The following CDK5RAP1 variants were observed in gnomAD, a reference collection of about 807,000 sequenced individuals.
The protein encoded by CDK5RAP1 is CDK5RAP1 mitochondrial tRNA methylthiotransferase.
In CDK5RAP1, 62 loss-of-function variants were observed where a neutral mutation model predicts 64.5. The observed-to-expected ratio is 0.96, with a 90% CI of 0.78 to 1.19. The LOEUF is 1.19. Among genes scored for constraint, CDK5RAP1 ranks in the 50% most tolerant of loss-of-function variants. The pLI, the probability that CDK5RAP1 is intolerant of heterozygous loss-of-function variation, is 0.00. For missense variants in CDK5RAP1, 657 were observed against 735.0 expected (o/e 0.89, Z 1.23); for synonymous variants, 250 against 261.9 (o/e 0.95, Z 0.44).
chr20:33,391,060 C>CCCAGAAGTT (rs1210218880), intron 5 of CDK5RAP1, among the ~76,000 whole-genome samples: 1 of 151,908 alleles, frequency 6.6e-6, no homozygotes, highest in Non-Finnish European at 1.5e-5. Context: ...TCTAGACCAG[C>CCCAGAAGTT]CTGGGCAATA....
chr20:33,369,501 A>C (rs1600719764), intron 11 of CDK5RAP1, among the ~76,000 whole-genome samples: 1 of 151,980 alleles, frequency 6.6e-6, no homozygotes, highest in Non-Finnish European at 1.5e-5. Context: ...AAAAAAAAAG[A>C]AGCAAAACAG....
chr20:33,370,350 A>T, intron 11 of CDK5RAP1, 149 bp downstream of exon 11: 1 of 692,146 alleles, frequency 1.4e-6, no homozygotes, highest in Non-Finnish European at 2.4e-6. Context: ...GACAGAGTGT[A>T]CTAGAAAAAT....
intron 9 of CDK5RAP1, 85 bp from the exon 10 acceptor site, chr20:33,372,782 C>T: frequency 1.2e-6 from 1 of 859,174 alleles, no homozygotes; most frequent in East Asian, 2.5e-5. Flanking sequence ...TATGAATTTC[C>T]ACATGTAATC....
intron 9 of CDK5RAP1, 54 bp from the exon 10 acceptor site, chr20:33,372,751 A>C: frequency 8.8e-7 from 1 of 1,136,096 alleles, no homozygotes; most frequent in Non-Finnish European, 1.3e-6. Context: ...TTTTTAAATG[A>C]ATGCTATAAA....
chr20:33,378,975 G>A (rs1986389843), intron 8 of CDK5RAP1, among the ~76,000 whole-genome samples: 1 of 151,976 alleles, frequency 6.6e-6, no homozygotes, highest in Admixed American at 6.6e-5. Context: ...TTCGAGACAG[G>A]GTCTCGCTAT....
At chr20:33,369,437 T>A (rs1984614957) in intron 11 of CDK5RAP1, among the ~76,000 whole-genome samples, 1 of 151,464 alleles carries the variant, frequency 6.6e-6, no homozygotes, top group South Asian at 2.1e-4. Flanking sequence ...GAGTCGAGAT[T>A]GCGCAACTGC....
At chr20:33,391,594 G>A (rs183882829) in intron 5 of CDK5RAP1, among the ~76,000 whole-genome samples, 100 of 152,246 alleles carry the variant, frequency 6.6e-4, no homozygotes, top group Non-Finnish European at 1.2e-3. Flanking sequence ...GGCTGAGGCA[G>A]GCGGATCACC....
intron 12 of CDK5RAP1, among the ~76,000 whole-genome samples, chr20:33,366,224 C>T (rs528204941): frequency 4.1e-5 from 6 of 147,562 alleles, no homozygotes; most frequent in African/African-American, 1.3e-4. Context: ...GAGGCTGAGG[C>T]AGGAGAATTG....
chr20:33,370,029 C>G (rs1377457330), intron 11 of CDK5RAP1, among the ~76,000 whole-genome samples: 1 of 152,180 alleles, frequency 6.6e-6, no homozygotes, highest in Non-Finnish European at 1.5e-5. Context: ...TAATCTCCTT[C>G]TGCTTTGCCT....
chr20:33,359,362 T>G, intron 13 of CDK5RAP1: 1 of 480,468 alleles, frequency 2.1e-6, no homozygotes, highest in Non-Finnish European at 3.7e-6. Context: ...CCTTTTCTCT[T>G]GGAAGATGGC....
chr20:33,381,731 A>T (rs1198961570), intron 7 of CDK5RAP1, among the ~76,000 whole-genome samples: 1 of 152,090 alleles, frequency 6.6e-6, no homozygotes, highest in Non-Finnish European at 1.5e-5. Context: ...CCCAGCCCAA[A>T]TAATGTTCTT....
At chr20:33,366,250 C>T (rs1983919947) in intron 12 of CDK5RAP1, among the ~76,000 whole-genome samples, 1 of 140,014 alleles carries the variant, frequency 7.1e-6, no homozygotes. Flanking sequence ...GCCTGGGAGA[C>T]AGAGGTTGCA....
chr20:33,360,029 C>T, intron 13 of CDK5RAP1: 1 of 247,700 alleles, frequency 4.0e-6, no homozygotes, highest in Non-Finnish European at 7.8e-6. Context: ...TGTTGATCTC[C>T]AACAGGGAAC....
chr20:33,364,188 C>CTTTTTTTTTTTT (rs11479107), intron 12 of CDK5RAP1, among the ~76,000 whole-genome samples: 1 of 135,508 alleles, frequency 7.4e-6, no homozygotes, highest in Non-Finnish European at 1.6e-5. Flanking sequence ...GAAGAAATAG[C>CTTTTTTTTTTTT]TTTTTTTTTT....
intron 12 of CDK5RAP1, among the ~76,000 whole-genome samples, chr20:33,364,220 G>C (rs569763353): frequency 2.1e-4 from 28 of 136,232 alleles, no homozygotes; most frequent in African/African-American, 7.5e-4. Flanking sequence ...ATGGAGTCTC[G>C]CTGTGTGACC....
At chr20:33,372,011 T>C (rs755639456) in intron 10 of CDK5RAP1, among the ~76,000 whole-genome samples, 1 of 152,180 alleles carries the variant, frequency 6.6e-6, no homozygotes, top group Non-Finnish European at 1.5e-5. Flanking sequence ...ATCATCTTTA[T>C]ACCTACATTT....
intron 1 of CDK5RAP1, among the ~76,000 whole-genome samples, chr20:33,399,815 CA>C (rs1353610762): frequency 2.6e-5 from 4 of 152,148 alleles, no homozygotes; most frequent in Non-Finnish European, 5.9e-5. Context: ...TGTTTGAGCT[CA>C]GGAGTTCGAG....
chr20:33,360,548 G>A, intron 12 of CDK5RAP1, 57 bp from the exon 13 acceptor site: 1 of 1,500,862 alleles, frequency 6.7e-7, no homozygotes, highest in Non-Finnish European at 9.0e-7. Context: ...GTTCTTGGAG[G>A]GTAGAAACTG....
rs759292469 is a variant in CDK5RAP1 at position 33,396,921 on chromosome 20, C to T, written c.144G>A (p.Glu48=). The T allele has an allele frequency of 6.2e-7, 1 of 1,614,208 alleles. No individual in the cohort carries two copies. The highest frequency in any genetic ancestry group is 1.1e-5 in the South Asian group (1 of 91,088). Residue 48 remains glutamate, a synonymous_variant, in exon 2 of 14, where the codon GAG becomes GAA. Transcript: ENST00000346416. ...STMCPSPERQ[E]DGARKDFSSR... ...AGCTGAAATCCTTCCGAGCTCCATC[C>T]TCCTGCCTCTCTGGACTGGGACACA...
Sources: allele counts gnomAD v4.1 joint callset (sites outside exome capture counted in the v4.1 genomes callset), GRCh38; gene constraint gnomAD v4.1.1; transcripts MANE v1.5; gene names NCBI Gene and HGNC (gene_info 2026-07-23, HGNC 2026-07-21).